The following TMC1 variants were observed in gnomAD, a reference collection of about 807,000 sequenced individuals.
TMC1 encodes transmembrane channel-like protein 1.
TMC1 carries 84 observed loss-of-function variants against 105.8 expected under a neutral mutation model. The observed-to-expected ratio is 0.79, with a 90% CI of 0.67 to 0.95. The LOEUF is 0.95. Ranked by LOEUF, TMC1 falls within the 40% of genes least tolerant of loss-of-function variation. The pLI, the probability that TMC1 is intolerant of heterozygous loss-of-function variation, is 0.00. For synonymous variants in TMC1, 315 were observed against 311.5 expected, an observed-to-expected ratio of 1.01 and a Z score of -0.12; for missense variants, 817 against 914.1, an observed-to-expected ratio of 0.89 and a Z score of 1.37.
At chr9:72,637,345 C>T (rs1012487865) in intron 4 of TMC1, among the ~76,000 whole-genome samples, 4 of 151,862 alleles carry the variant, frequency 2.6e-5, no homozygotes, top group Non-Finnish European at 4.4e-5. Context: ...CTACTCTATA[C>T]GTTCTTCACC....
chr9:72,748,623 A>G (rs1270920430), intron 10 of TMC1, among the ~76,000 whole-genome samples: 2 of 152,152 alleles, frequency 1.3e-5, no homozygotes, highest in East Asian at 3.8e-4. Context: ...AGTCACACTA[A>G]TCAGGCATTT....
chr9:72,762,318 A>G (rs1224346020), intron 12 of TMC1, among the ~76,000 whole-genome samples: 1 of 152,078 alleles, frequency 6.6e-6, no homozygotes, highest in Non-Finnish European at 1.5e-5. Flanking sequence ...AGTTTGGTCC[A>G]CTCTGGTGGG....
At chr9:72,800,704 G>T in intron 17 of TMC1, among the ~76,000 whole-genome samples, 1 of 129,984 alleles carries the variant, frequency 7.7e-6, no homozygotes, top group Non-Finnish European at 1.8e-5. Context: ...TTTTCTTACT[G>T]CCATTTTAGT....
chr9:72,762,337 G>A (rs1441520653), intron 12 of TMC1, among the ~76,000 whole-genome samples: 3 of 152,154 alleles, frequency 2.0e-5, no homozygotes, highest in Admixed American at 6.5e-5. Context: ...GGTCCAAGGA[G>A]GTGGCATCTG....
intron 10 of TMC1, among the ~76,000 whole-genome samples, chr9:72,749,204 A>G (rs1827539266): frequency 6.6e-6 from 1 of 152,172 alleles, no homozygotes; most frequent in African/African-American, 2.4e-5. Flanking sequence ...TGCTGAGAGG[A>G]TGGGCCGTGG....
intron 1 of TMC1, among the ~76,000 whole-genome samples, chr9:72,550,338 C>A (rs1471447930): frequency 6.6e-6 from 1 of 151,606 alleles, no homozygotes; most frequent in Non-Finnish European, 1.5e-5. Context: ...CGTGGTCAGG[C>A]GCCTGTAATC....
chr9:72,559,609 A>T (rs554902889), intron 1 of TMC1, among the ~76,000 whole-genome samples: 5 of 152,342 alleles, frequency 3.3e-5, no homozygotes, highest in African/African-American at 1.2e-4. Context: ...GAGAGAATTC[A>T]GAAAGAAAAG....
At chr9:72,718,056 G>A (rs112767139) in intron 8 of TMC1, among the ~76,000 whole-genome samples, 3 of 144,288 alleles carry the variant, frequency 2.1e-5, no homozygotes, top group African/African-American at 7.8e-5. Flanking sequence ...AGTAGTGATT[G>A]TTTTATATTT....
At chr9:72,751,561 C>T (rs747172686) in intron 10 of TMC1, among the ~76,000 whole-genome samples, 12 of 152,226 alleles carry the variant, frequency 7.9e-5, no homozygotes, top group Admixed American at 2.6e-4. Flanking sequence ...CATGGCTGCT[C>T]AGCAAAAGGC....
chr9:72,611,920 C>T (rs1023382315), intron 2 of TMC1, among the ~76,000 whole-genome samples: 7 of 152,236 alleles, frequency 4.6e-5, no homozygotes, highest in Admixed American at 4.6e-4. Context: ...CTGTCCCGCT[C>T]TGTCCCCCAC....
intron 5 of TMC1, among the ~76,000 whole-genome samples, chr9:72,652,488 A>C (rs2132153697): frequency 6.6e-6 from 1 of 152,266 alleles, no homozygotes; most frequent in East Asian, 1.9e-4. Context: ...CCATGGAAGA[A>C]ACAGAAAGGA....
At chr9:72,528,877 C>T (rs1183585803) in intron 1 of TMC1, among the ~76,000 whole-genome samples, 1 of 151,864 alleles carries the variant, frequency 6.6e-6, no homozygotes, top group Non-Finnish European at 1.5e-5. Context: ...TACAGTTGAC[C>T]CTCTGTATCC....
chr9:72,571,070 C>T (rs1389150308), intron 1 of TMC1, among the ~76,000 whole-genome samples: 2 of 150,268 alleles, frequency 1.3e-5, no homozygotes, highest in African/African-American at 4.9e-5. Context: ...TGGCTATAAT[C>T]CCAGCACATT....
At chr9:72,626,179 A>G (rs1394773879) in intron 3 of TMC1, among the ~76,000 whole-genome samples, 2 of 152,222 alleles carry the variant, frequency 1.3e-5, no homozygotes, top group African/African-American at 4.8e-5. Context: ...CCACAACTGC[A>G]TGAGAGACCC....
At chr9:72,538,451 T>TGTATTGTA (rs1564397043) in intron 1 of TMC1, among the ~76,000 whole-genome samples, 3 of 146,936 alleles carry the variant, frequency 2.0e-5, no homozygotes, top group South Asian at 2.2e-4. Flanking sequence ...TGTATCGTAT[T>TGTATTGTA]TTTGAGACAG....
At chr9:72,733,113 C>A (rs954887008) in intron 8 of TMC1, among the ~76,000 whole-genome samples, 2 of 152,042 alleles carry the variant, frequency 1.3e-5, no homozygotes, top group African/African-American at 4.8e-5. Context: ...TAACATTTTA[C>A]AATTTAGTGC....
chr9:72,575,249 C>T (rs932261952), intron 1 of TMC1, among the ~76,000 whole-genome samples: 27 of 152,132 alleles, frequency 1.8e-4, no homozygotes, highest in African/African-American at 4.8e-4. Flanking sequence ...TGCGTGATCT[C>T]GGCTCACTGC....
At chr9:72,711,073 C>G (rs374682378) in intron 8 of TMC1, among the ~76,000 whole-genome samples, 1 of 152,170 alleles carries the variant, frequency 6.6e-6, no homozygotes, top group African/African-American at 2.4e-5. Flanking sequence ...CAGCTTCATC[C>G]GTGTCCCTGC....
At chr9:72,714,926 T>C (rs572191574) in intron 8 of TMC1, among the ~76,000 whole-genome samples, 1 of 152,340 alleles carries the variant, frequency 6.6e-6, no homozygotes, top group South Asian at 2.1e-4. Flanking sequence ...CCATGTTTAG[T>C]GCTTCCTTCA....
Sources: allele counts gnomAD v4.1 joint callset (sites outside exome capture counted in the v4.1 genomes callset), GRCh38; gene constraint gnomAD v4.1.1; transcripts MANE v1.5; gene names NCBI Gene and HGNC (gene_info 2026-07-23, HGNC 2026-07-21).